Variants in KCNJ6 observed in about 807,000 individuals in gnomAD.
KCNJ6 encodes the protein potassium inwardly rectifying channel subfamily J member 6.
In KCNJ6, 9 loss-of-function variants were observed where a neutral mutation model predicts 34.2. The ratio of observed to expected loss-of-function variants is 0.26; its 90% confidence interval spans 0.16 to 0.46. The LOEUF is 0.46. KCNJ6 is among the 20% of genes least tolerant of loss of function. KCNJ6 has a pLI of 1.00. For missense variants in KCNJ6, 236 were observed against 531.3 expected, an observed-to-expected ratio of 0.44 and a Z score of 5.46; for synonymous variants, 196 against 207.1, an observed-to-expected ratio of 0.95 and a Z score of 0.46.
At chr21:37,819,909 T>C (rs1330147969) in intron 2 of KCNJ6, among the ~76,000 whole-genome samples, 2 of 151,858 alleles carry the variant, frequency 1.3e-5, no homozygotes, top group Non-Finnish European at 2.9e-5. Context: ...CTCAGCCTCC[T>C]GAGTAGATGG....
chr21:37,847,914 GA>G (rs990088101), intron 1 of KCNJ6, among the ~76,000 whole-genome samples: 1 of 152,200 alleles, frequency 6.6e-6, no homozygotes, highest in Non-Finnish European at 1.5e-5. Flanking sequence ...GAAGAAGAGT[GA>G]TGGGAGAGGG....
chr21:37,640,795 T>C (rs2054377523), intron 3 of KCNJ6, among the ~76,000 whole-genome samples: 1 of 152,242 alleles, frequency 6.6e-6, no homozygotes, highest in African/African-American at 2.4e-5. Context: ...TCTTAACTTT[T>C]TGAGGCAAGG....
chr21:37,867,171 T>C (rs78950989), intron 1 of KCNJ6, among the ~76,000 whole-genome samples: 3,961 of 152,342 alleles, frequency 0.026, 63 homozygotes, highest in Non-Finnish European at 0.035. Flanking sequence ...AATTAATAAG[T>C]GTAATAAAAT....
rs2123345496 is a variant in KCNJ6 at position 37,608,409 on chromosome 21, T to G, written c.*16750A>C. The G allele has an allele frequency of 6.6e-6, 1 of 152,368 alleles. No homozygotes were observed. The highest frequency in any genetic ancestry group is 1.9e-4 in the East Asian group (1 of 5,176). The allele number at this position is 152,368 out of a possible 1,614,324, so 9.4% of individuals were successfully genotyped here. A position where few individuals can be genotyped will look rare whatever the true frequency, so the allele number is the denominator to read the frequency against. ...CTGGGCTCAAGCAATCCTCCCACCT[T>G]GGCCTCTCAAAGTGCTGGAATTACA... On this transcript the variant is annotated 3_prime_UTR_variant, in exon 4 of 4. Transcript: ENST00000609713.
At chr21:37,743,815 C>T (rs944232377) in intron 2 of KCNJ6, among the ~76,000 whole-genome samples, 14 of 152,052 alleles carry the variant, frequency 9.2e-5, no homozygotes, top group Non-Finnish European at 1.6e-4. Flanking sequence ...ACCTACTTTC[C>T]ATGGGGAAAC....
At chr21:37,869,882 T>C (rs1315045977) in intron 1 of KCNJ6, among the ~76,000 whole-genome samples, 3 of 152,164 alleles carry the variant, frequency 2.0e-5, no homozygotes, top group African/African-American at 7.2e-5. Context: ...CTTTAGGACT[T>C]GGCAGCTAAA....
chr21:37,684,734 C>T (rs1001339514), intron 3 of KCNJ6, among the ~76,000 whole-genome samples: 9 of 152,216 alleles, frequency 5.9e-5, no homozygotes, highest in African/African-American at 1.4e-4. Context: ...GTTAGGACAT[C>T]GGCTGGTCTT....
chr21:37,847,010 G>A (rs1568870048), intron 1 of KCNJ6, among the ~76,000 whole-genome samples: 1 of 152,162 alleles, frequency 6.6e-6, no homozygotes, highest in Non-Finnish European at 1.5e-5. Flanking sequence ...CATTTATGTT[G>A]CCTTGAGTTG....
intron 2 of KCNJ6, among the ~76,000 whole-genome samples, chr21:37,729,150 C>T (rs1207207588): frequency 6.6e-6 from 1 of 152,102 alleles, no homozygotes; most frequent in East Asian, 1.9e-4. Context: ...CTTGGGGACC[C>T]CACAATGTGA....
At chr21:37,763,333 G>A (rs1414200079) in intron 2 of KCNJ6, among the ~76,000 whole-genome samples, 1 of 152,164 alleles carries the variant, frequency 6.6e-6, no homozygotes, top group Non-Finnish European at 1.5e-5. Flanking sequence ...TCTTCTCGTG[G>A]TAAGGAGGTG....
chr21:37,855,495 T>A (rs2123595832), intron 1 of KCNJ6, among the ~76,000 whole-genome samples: 1 of 152,380 alleles, frequency 6.6e-6, no homozygotes, highest in South Asian at 2.1e-4. Flanking sequence ...ATTCTGAGTC[T>A]GTGTCATGGA....
intron 1 of KCNJ6, among the ~76,000 whole-genome samples, chr21:37,846,335 AGCTAAG>A (rs2055507228): frequency 1.3e-5 from 2 of 150,676 alleles, no homozygotes; most frequent in South Asian, 4.2e-4. Context: ...TTTAGCTCAG[AGCTAAG>A]GCTGAGACAC....
intron 3 of KCNJ6, among the ~76,000 whole-genome samples, chr21:37,666,845 C>A (rs1378784322): frequency 6.6e-6 from 1 of 151,662 alleles, no homozygotes; most frequent in Non-Finnish European, 1.5e-5. Context: ...TAATCTATAA[C>A]CTTACCCCCA....
chr21:37,852,630 A>T (rs886486625), intron 1 of KCNJ6, among the ~76,000 whole-genome samples: 1 of 150,722 alleles, frequency 6.6e-6, no homozygotes, highest in African/African-American at 2.5e-5. Context: ...AGAATCTTAT[A>T]GTAACACCAA....
In KCNJ6 at chr21:37,620,772, G is replaced by A. The variant is rs1005474502; in HGVS notation, c.*4387C>T. Reference sequence around the variant, plus strand: ...GATAATTTGTACAAGTGCTCTTAATGCTCTCAAACACCACACCATGTTGGG... The same window carrying A: ...GATAATTTGTACAAGTGCTCTTAATACTCTCAAACACCACACCATGTTGGG... On this transcript the variant is annotated 3_prime_UTR_variant, in exon 4 of 4. Coordinates refer to ENST00000609713, the MANE Select transcript of KCNJ6 (RefSeq NM_002240.5). 3 of 152,132 alleles carry A rather than the reference G, an allele frequency of 2.0e-5. No individual in the cohort carries two copies. Among genetic ancestry groups the A allele is most frequent in the Non-Finnish European group, 4.4e-5 (3 of 68,032 alleles). The allele number at this position is 152,132 out of a possible 1,614,324, so 9.4% of individuals were successfully genotyped here.
At chr21:37,810,096 T>C (rs2055315130) in intron 2 of KCNJ6, among the ~76,000 whole-genome samples, 2 of 151,988 alleles carry the variant, frequency 1.3e-5, no homozygotes, top group Non-Finnish European at 2.9e-5. Context: ...TTAGTGAGAG[T>C]CATTCCAGAT....
intron 1 of KCNJ6, among the ~76,000 whole-genome samples, chr21:37,843,731 CTG>C (rs2055492235): frequency 6.6e-6 from 1 of 152,168 alleles, no homozygotes; most frequent in African/African-American, 2.4e-5. Context: ...GTTGATGAAA[CTG>C]AAGCCCAGGG....
intron 3 of KCNJ6, among the ~76,000 whole-genome samples, chr21:37,639,391 C>T (rs374400391): frequency 1.3e-5 from 2 of 152,130 alleles, no homozygotes; most frequent in Admixed American, 6.6e-5. Context: ...AATATTCCCA[C>T]GAGGTTGTAC....
rs1474324478 is a variant in KCNJ6, at chr21:37,695,013, C to T, written c.946+19198G>A. Among the ~76,000 whole-genome samples the T allele has an allele frequency of 6.6e-6, 1 of 152,328 alleles. No individual in the cohort carries two copies. The highest frequency in any genetic ancestry group is 1.9e-4 in the East Asian group (1 of 5,186). On this transcript the variant is annotated intron_variant, in intron 3 of 3. Coordinates refer to ENST00000609713, the MANE Select transcript of KCNJ6 (RefSeq NM_002240.5). This position sits in a 1 kb window ranked among gnomAD's most constrained non-coding sequence, Gnocchi z 4.2. Reference sequence around the variant, plus strand: ...AGTAAATAAATATCTGTTGTTTAAGCTGCCTAGCCTATGATATTTTGTTAT... The same window carrying T: ...AGTAAATAAATATCTGTTGTTTAAGTTGCCTAGCCTATGATATTTTGTTAT...
Sources: allele counts gnomAD v4.1 joint callset (sites outside exome capture counted in the v4.1 genomes callset), GRCh38; gene constraint gnomAD v4.1.1; non-coding constraint Gnocchi (gnomAD v3.1); transcripts MANE v1.5; gene names NCBI Gene and HGNC (gene_info 2026-07-23, HGNC 2026-07-21).